Variants in NUFIP1 observed in about 807,000 individuals in gnomAD.
NUFIP1 encodes the protein nuclear FMR1 interacting protein 1.
Under a neutral mutation model 56.2 loss-of-function variants are expected in NUFIP1, and 38 were observed. The ratio of observed to expected loss-of-function variants is 0.68; its 90% confidence interval spans 0.52 to 0.89. NUFIP1 has a LOEUF of 0.89. NUFIP1 is among the 40% of genes least tolerant of loss of function. The pLI, the probability that NUFIP1 is intolerant of heterozygous loss-of-function variation, is 0.00. For missense variants in NUFIP1, 567 were observed against 605.8 expected (o/e 0.94, Z 0.67); for synonymous variants, 215 against 212.4 (o/e 1.01, Z -0.10).
intron 5 of NUFIP1, among the ~76,000 whole-genome samples, chr13:44,978,923 T>C (rs1593369615): frequency 6.6e-6 from 1 of 152,190 alleles, no homozygotes; most frequent in East Asian, 1.9e-4. Context: ...CCACCCATTA[T>C]TGCCTCAACC....
intron 1 of NUFIP1, among the ~76,000 whole-genome samples, chr13:44,982,525 A>G (rs1213395995): frequency 1.3e-5 from 2 of 152,156 alleles, no homozygotes; most frequent in East Asian, 1.9e-4. Context: ...CTTGTGAAAT[A>G]TATCTCCTCT....
Position 44,940,689 on chromosome 13 carries a change from T to C in NUFIP1, c.*517A>G, listed in dbSNP as rs552941313. 1 of 152,414 alleles carries C rather than the reference T, an allele frequency of 6.6e-6. No homozygotes were observed. The highest frequency in any genetic ancestry group is 1.5e-5 in the Non-Finnish European group (1 of 68,062). The allele number at this position is 152,414 out of a possible 1,614,324, so 9.4% of individuals were successfully genotyped here. A position where few individuals can be genotyped will look rare whatever the true frequency, so the allele number is the denominator to read the frequency against. ...TGTAAGTCGTGCTAGTAGGTGAATT[T>C]AAACATGTCTTAAATAAGGAATATT... On this transcript the variant is annotated 3_prime_UTR_variant, in exon 10 of 10. Transcript: ENST00000379161.
intron 8 of NUFIP1, among the ~76,000 whole-genome samples, chr13:44,946,042 C>G (rs141275522): frequency 5.1e-4 from 77 of 152,218 alleles, no homozygotes; most frequent in South Asian, 4.8e-3. Context: ...AGCTACTTAT[C>G]TCTACCTAAA....
intron 1 of NUFIP1, among the ~76,000 whole-genome samples, chr13:44,983,480 C>G (rs1017098703): frequency 6.6e-6 from 1 of 151,368 alleles, no homozygotes; most frequent in Admixed American, 6.6e-5. Flanking sequence ...CCCAGCCCCC[C>G]GTCTCAAATA....
Position 44,959,542 on chromosome 13 carries a change from A to G in NUFIP1, c.860T>C (p.Met287Thr). 1 of 1,613,406 alleles carries G rather than the reference A, an allele frequency of 6.2e-7. No homozygotes were observed. The highest frequency in any genetic ancestry group is 1.3e-5 in the African/African-American group (1 of 74,998). ...KMKGMSRHSQ[M>T]AKIRSPGKNH... is the part of the protein sequence containing the mutation. Reference sequence around the variant, plus strand: ...CTTGCCAGGACTTCTGATCTTTGCCATTTGTGAATGTCTGGACATCCCCTT... The same window carrying G: ...CTTGCCAGGACTTCTGATCTTTGCCGTTTGTGAATGTCTGGACATCCCCTT... Residue 287 changes from methionine (M) to threonine (T), a missense_variant, in exon 7 of 10, where the codon ATG (methionine) becomes ACG (threonine). Transcript: ENST00000379161.
At chr13:44,958,656 C>A (rs960401604) in intron 7 of NUFIP1, among the ~76,000 whole-genome samples, 3 of 152,148 alleles carry the variant, frequency 2.0e-5, no homozygotes, top group East Asian at 1.9e-4. Context: ...TCAATTCACT[C>A]ACTAATAATC....
At chr13:44,966,681 C>T (rs764617124) in intron 5 of NUFIP1, among the ~76,000 whole-genome samples, 1 of 151,988 alleles carries the variant, frequency 6.6e-6, no homozygotes, top group Non-Finnish European at 1.5e-5. Context: ...GAGGAGGAGA[C>T]AGTTCTCAAA....
At chr13:44,961,611 A>C (rs2137905912) in intron 6 of NUFIP1, among the ~76,000 whole-genome samples, 1 of 152,328 alleles carries the variant, frequency 6.6e-6, no homozygotes, top group Non-Finnish European at 1.5e-5. Context: ...TGTATAGTCC[A>C]AATTTTGCAG....
chr13:44,942,108 A>T (rs972125322), intron 9 of NUFIP1, among the ~76,000 whole-genome samples: 3 of 152,170 alleles, frequency 2.0e-5, no homozygotes, highest in African/African-American at 7.2e-5. Context: ...AAATTATGTC[A>T]AAGAGGATTG....
chr13:44,977,385 G>A (rs1397969655), intron 5 of NUFIP1, among the ~76,000 whole-genome samples: 1 of 152,236 alleles, frequency 6.6e-6, no homozygotes, highest in Non-Finnish European at 1.5e-5. Context: ...ACACACACCA[G>A]AGTAGAAATC....
chr13:44,970,669 GT>G (rs1021173947), intron 5 of NUFIP1, among the ~76,000 whole-genome samples: 3 of 151,820 alleles, frequency 2.0e-5, no homozygotes, highest in African/African-American at 7.3e-5. Flanking sequence ...TTGTAACAGG[GT>G]TTTTTTGTTT....
intron 7 of NUFIP1, among the ~76,000 whole-genome samples, chr13:44,951,101 C>T (rs1048316396): frequency 2.6e-5 from 4 of 152,122 alleles, no homozygotes; most frequent in African/African-American, 9.7e-5. Flanking sequence ...AAAAGTACTC[C>T]TTGTCAATTT....
intron 8 of NUFIP1, among the ~76,000 whole-genome samples, chr13:44,949,505 T>C (rs897788638): frequency 6.6e-6 from 1 of 152,222 alleles, no homozygotes; most frequent in Non-Finnish European, 1.5e-5. Flanking sequence ...CCGGCCTATA[T>C]TGTATTTTTT....
intron 4 of NUFIP1, 36 bp from the exon 5 acceptor site, chr13:44,979,302 A>G: frequency 1.9e-6 from 3 of 1,543,140 alleles, no homozygotes; most frequent in Non-Finnish European, 1.8e-6. Flanking sequence ...TCAGGAGGCA[A>G]TATCATATGC....
In NUFIP1 at chr13:44,950,035, G is replaced by C. The variant is rs191591437; in HGVS notation, c.1022-197C>G. On this transcript the variant is annotated intron_variant, in intron 7 of 9. Transcript: ENST00000379161. ...ATGGGCCAAGAAACCATTTGCCCCA[G>C]AGGAGACAGTGAGGGAAAAGGAAGC... 1.0e-3 allele frequency among the ~76,000 whole-genome samples: 154 copies of C among 152,266 alleles called. No individual in the cohort carries two copies. In the South Asian group the frequency reaches 0.021, roughly 21 times the overall value.
intron 5 of NUFIP1, among the ~76,000 whole-genome samples, chr13:44,975,326 G>A (rs1235308747): frequency 1.3e-5 from 2 of 151,930 alleles, no homozygotes; most frequent in African/African-American, 4.8e-5. Context: ...GATGCCTCAG[G>A]ATCTCCTCAG....
chr13:44,966,488 T>C (rs1434015335), intron 5 of NUFIP1, among the ~76,000 whole-genome samples: 6 of 151,968 alleles, frequency 3.9e-5, no homozygotes, highest in Admixed American at 3.9e-4. Flanking sequence ...CTAATTTTTG[T>C]ATTTTTTGTA....
chr13:44,947,217 GCTT>G (rs1870928028), intron 8 of NUFIP1, among the ~76,000 whole-genome samples: 1 of 149,256 alleles, frequency 6.7e-6, no homozygotes, highest in Non-Finnish European at 1.5e-5. Context: ...CTACATACCA[GCTT>G]GCCAAGCTTA....
intron 2 of NUFIP1, 84 bp downstream of exon 2, chr13:44,981,988 T>C (rs12427714): frequency 0.066 from 42,117 of 641,282 alleles, 3,082 homozygotes; most frequent in African/African-American, 0.27. Flanking sequence ...AGCAAAACAC[T>C]GAAGACAGTT....
Sources: gnomAD v4.1 joint callset for allele counts (sites outside exome capture counted in the v4.1 genomes callset) on GRCh38, gnomAD v4.1.1 for gene constraint, MANE v1.5 for transcripts, NCBI Gene and HGNC (gene_info 2026-07-23, HGNC 2026-07-21) for gene names.